FCHSD2: variants seen among roughly 807,000 people sequenced by gnomAD.
The protein encoded by FCHSD2 is F-BAR and double SH3 domains protein 2.
A neutral mutation model predicts 108.1 loss-of-function variants in FCHSD2; 38 were observed. The ratio of observed to expected loss-of-function variants is 0.35; its 90% confidence interval spans 0.27 to 0.46. The LOEUF is 0.46. FCHSD2 is among the 20% of genes least tolerant of loss of function. FCHSD2 has a pLI of 1.00. For synonymous variants in FCHSD2, 279 were observed against 314.7 expected (o/e 0.89, Z 1.20); for missense variants, 751 against 897.8 (o/e 0.84, Z 2.09).
chr11:73,018,112 T>A (rs1324581321), intron 3 of FCHSD2, among the ~76,000 whole-genome samples: 1 of 152,206 alleles, frequency 6.6e-6, no homozygotes, highest in Non-Finnish European at 1.5e-5. Flanking sequence ...TTAAAGTTGC[T>A]TTCTTCTGAT....
rs1281315732 is a variant in FCHSD2 at position 72,955,588 on chromosome 11, GC to G, written c.705+28499del. On this transcript the variant is annotated intron_variant, in intron 8 of 19. Coordinates refer to ENST00000409418, the MANE Select transcript of FCHSD2 (RefSeq NM_014824.3). ...TCATGTTTGGATCCCTTGGCAACCA[GC>G]CCCCATCCTGACGCTATTCAGGAGC... 1.3e-4 allele frequency among the ~76,000 whole-genome samples: 20 copies of G among 152,230 alleles called. No individual in the cohort carries two copies. The East Asian group carries it at 3.7e-3, about 28-fold the overall frequency.
rs1273756488 is a variant in FCHSD2 at position 72,989,025 on chromosome 11, T to C, written c.460A>G (p.Lys154Glu). 6.2e-7 allele frequency: 1 copy of C among 1,611,792 alleles called. No individual in the cohort carries two copies. The highest frequency in any genetic ancestry group is 2.2e-5 in the East Asian group (1 of 44,860). The change falls in exon 6 of 20, where the codon AAA (lysine) becomes GAA (glutamate). Residue 154 changes from lysine to glutamate, a missense_variant. Physicochemically the swap from Lys to Glu is moderately conservative, Grantham distance 56 (BLOSUM62 1). Coordinates refer to ENST00000409418, the MANE Select transcript of FCHSD2 (RefSeq NM_014824.3). The stretch of plus-strand genomic sequence containing the variant: ...GCCATCTGTTCAGTCTCAAAGTATT[T>C]CTTTTTGCCTTTAGCTAAATCTTTC... The part of the protein sequence containing the change: ...TVKDLAKGKK[K>E]YFETEQMAHA...
chr11:72,922,829 G>A (rs1365456914), intron 8 of FCHSD2, among the ~76,000 whole-genome samples: 1 of 152,134 alleles, frequency 6.6e-6, no homozygotes, highest in Non-Finnish European at 1.5e-5. Context: ...ATTTTAAAGT[G>A]TACAACTCAG....
At chr11:72,949,008 C>T (rs1856573158) in intron 8 of FCHSD2, among the ~76,000 whole-genome samples, 1 of 152,222 alleles carries the variant, frequency 6.6e-6, no homozygotes, top group South Asian at 2.1e-4. Context: ...TAGATTTTCA[C>T]AGTCACTAGT....
intron 9 of FCHSD2, among the ~76,000 whole-genome samples, chr11:72,917,969 T>A (rs1162876552): frequency 6.6e-6 from 1 of 152,158 alleles, no homozygotes; most frequent in Non-Finnish European, 1.5e-5. Context: ...GGGACTACAT[T>A]GAATCTGTAG....
intron 14 of FCHSD2, among the ~76,000 whole-genome samples, chr11:72,847,702 T>A (rs1861182493): frequency 6.7e-6 from 1 of 149,852 alleles, no homozygotes; most frequent in Non-Finnish European, 1.5e-5. Flanking sequence ...TTTTTTTTTT[T>A]TTTTTTTTGA....
intron 2 of FCHSD2, among the ~76,000 whole-genome samples, chr11:73,131,697 A>G (rs1168063434): frequency 2.0e-5 from 3 of 150,822 alleles, no homozygotes; most frequent in Admixed American, 2.0e-4. Flanking sequence ...AACCAAGACT[A>G]TGTCTCAAAA....
intron 6 of FCHSD2, among the ~76,000 whole-genome samples, chr11:72,987,871 T>C (rs1857339070): frequency 6.6e-6 from 1 of 152,226 alleles, no homozygotes. Flanking sequence ...TCAGGTCTTA[T>C]TGAGAAGATG....
At chr11:72,889,368 T>C (rs1030491349) in intron 11 of FCHSD2, among the ~76,000 whole-genome samples, 9 of 152,232 alleles carry the variant, frequency 5.9e-5, no homozygotes, top group African/African-American at 1.9e-4. Context: ...TCTTTGTTAA[T>C]TTTATGGTAA....
chr11:73,056,604 A>T (rs973632504), intron 3 of FCHSD2, among the ~76,000 whole-genome samples: 3 of 152,146 alleles, frequency 2.0e-5, no homozygotes, highest in African/African-American at 7.2e-5. Context: ...ATATTTCCTC[A>T]TTCATTCATT....
At chr11:73,028,812 G>A (rs1006300230) in intron 3 of FCHSD2, among the ~76,000 whole-genome samples, 1 of 152,084 alleles carries the variant, frequency 6.6e-6, no homozygotes, top group African/African-American at 2.4e-5. Context: ...GAGAGCTGAT[G>A]GTTTAAAAGT....
rs550716143 is a variant in FCHSD2 at position 73,065,714 on chromosome 11, AACAG to A, written c.165+17977_165+17980del. Reference sequence around the variant, plus strand: ...ATCATAAGCATTCCTATACATCAATAACAGACAGAGAAAAATCATGAGTGAACTC... The same window carrying A: ...ATCATAAGCATTCCTATACATCAATAACAGAGAAAAATCATGAGTGAACTC... On this transcript the variant is annotated intron_variant, in intron 3 of 19. Transcript: ENST00000409418. 1.1e-4 allele frequency among the ~76,000 whole-genome samples: 16 copies of A among 152,142 alleles called. No individual in the cohort carries two copies. In the South Asian group the frequency reaches 3.3e-3, roughly 32 times the overall value.
chr11:73,047,526 GACAGTACCT>G (rs1858797381), intron 3 of FCHSD2, among the ~76,000 whole-genome samples: 1 of 152,122 alleles, frequency 6.6e-6, no homozygotes, highest in African/African-American at 2.4e-5. Flanking sequence ...ACTGGTCATT[GACAGTACCT>G]AGCCACTGCC....
chr11:73,091,558 A>G (rs563397957), intron 2 of FCHSD2, among the ~76,000 whole-genome samples: 150 of 151,784 alleles, frequency 9.9e-4, no homozygotes, highest in Admixed American at 2.6e-3. Flanking sequence ...CAAAAAAAAG[A>G]AAAAAGAAAA....
At chr11:73,047,495 T>A (rs1041982711) in intron 3 of FCHSD2, among the ~76,000 whole-genome samples, 1 of 152,080 alleles carries the variant, frequency 6.6e-6, no homozygotes, top group African/African-American at 2.4e-5. Flanking sequence ...TGGATTCACA[T>A]CCCCAGATAG....
At chr11:72,889,079 C>T (rs1388738586) in intron 11 of FCHSD2, among the ~76,000 whole-genome samples, 2 of 152,084 alleles carry the variant, frequency 1.3e-5, no homozygotes, top group Non-Finnish European at 1.5e-5. Context: ...CTCAACCTCC[C>T]GAGTAGCTGG....
At chr11:72,856,486 T>G (rs1478727609) in intron 13 of FCHSD2, among the ~76,000 whole-genome samples, 1 of 152,236 alleles carries the variant, frequency 6.6e-6, no homozygotes, top group Non-Finnish European at 1.5e-5. Flanking sequence ...CATAAATATG[T>G]ATAAATATTA....
chr11:73,024,790 A>G (rs1246364319), intron 3 of FCHSD2, among the ~76,000 whole-genome samples: 1 of 152,184 alleles, frequency 6.6e-6, no homozygotes, highest in Non-Finnish European at 1.5e-5. Context: ...AAACAAGTTT[A>G]CAGGGAAAAA....
At chr11:72,980,211 G>C (rs1857186520) in intron 8 of FCHSD2, among the ~76,000 whole-genome samples, 1 of 152,126 alleles carries the variant, frequency 6.6e-6, no homozygotes, top group South Asian at 2.1e-4. Context: ...GTTTGAAGAG[G>C]GGGGAAAAGT....
Sources: gnomAD v4.1 joint callset for allele counts (sites outside exome capture counted in the v4.1 genomes callset) on GRCh38, gnomAD v4.1.1 for gene constraint, MANE v1.5 for transcripts, NCBI Gene and HGNC (gene_info 2026-07-23, HGNC 2026-07-21) for gene names.